PLXND1: variants seen among roughly 807,000 people sequenced by gnomAD.
The protein encoded by PLXND1 is plexin-D1.
In PLXND1, 54 loss-of-function variants were observed where a neutral mutation model predicts 197.7. The ratio of observed to expected loss-of-function variants is 0.27; its 90% CI spans 0.22 to 0.34. The LOEUF (loss-of-function observed/expected upper bound fraction) is 0.34, where lower values mean the gene tolerates loss of function less well. PLXND1 is among the 10% of genes least tolerant of loss of function. The pLI, the probability that PLXND1 is intolerant of heterozygous loss-of-function variation, is 1.00. For missense variants in PLXND1, 2,127 were observed against 2,699.2 expected (o/e 0.79, Z 4.70); for synonymous variants, 1,180 against 1,161.2 (o/e 1.02, Z -0.33).
intron 1 of PLXND1, among the ~76,000 whole-genome samples, chr3:129,594,158 T>C (rs2085586735): frequency 1.3e-5 from 2 of 152,216 alleles, no homozygotes; most frequent in Admixed American, 1.3e-4. Flanking sequence ...AGGTACAGAC[T>C]GCATGGCTAC....
chr3:129,559,898 A>C, intron 31 of PLXND1, 115 bp from the exon 32 acceptor site: 1 of 914,018 alleles, frequency 1.1e-6, no homozygotes, highest in Non-Finnish European at 1.6e-6. Flanking sequence ...AGGAAGCCAC[A>C]TGGCATCAGG....
rs1290794161 is a variant in PLXND1 at position 129,557,009 on chromosome 3, C to A, written c.5586+74G>T. 4.0e-6 allele frequency: 6 copies of A among 1,503,758 alleles called. No homozygotes were observed. The highest frequency in any genetic ancestry group is 2.3e-5 in the East Asian group (1 of 44,374). 93.2% of individuals were successfully genotyped at this position (1,503,758 alleles called of 1,614,324 possible). ...CTCCCTGCCCTTACTCCAGTGGAGG[C>A]ATTGAGGCCCAGCCCCCGACCCCCG... On this transcript the variant is annotated intron_variant, in intron 34 of 35. Coordinates refer to ENST00000324093, the MANE Select transcript of PLXND1 (RefSeq NM_015103.3). This position sits in a 1 kb window ranked among gnomAD's most constrained non-coding sequence, Gnocchi z 4.8.
chr3:129,596,723 C>T (rs2085630008), intron 1 of PLXND1, among the ~76,000 whole-genome samples: 1 of 152,224 alleles, frequency 6.6e-6, no homozygotes, highest in Admixed American at 6.5e-5. Context: ...TTCGATCTCA[C>T]ACCCTCCTCC....
rs1440516264 is a variant in PLXND1, at chr3:129,571,832, G to T, written c.3090C>A (p.Thr1030=). Residue 1030 remains threonine (T), a synonymous_variant, in exon 16 of 36, where the codon ACC becomes ACA. Transcript: ENST00000324093. ...CCTCAGGCATGGTGCAGGCGATGCT[G>T]GTATCTGTGCGCCTGGGGGGAGCAG... ...DPCTELMRTD[T]SIACTMPEGA... 3.1e-6 allele frequency: 5 copies of T among 1,612,090 alleles called. 1 individual carries two copies. In the South Asian group the frequency reaches 5.5e-5, roughly 18 times the overall value.
chr3:129,589,331 A>ACCCCCCCCCC lies in PLXND1; in HGVS notation c.1488+19_1488+20insGGGGGGGGGG. On this transcript the variant is annotated intron_variant, in intron 2 of 35. Coordinates refer to ENST00000324093, the MANE Select transcript of PLXND1 (RefSeq NM_015103.3). ...AGCCTCCCACCCCCACCCCCTCCCC[A>ACCCCCCCCCC]CATCCCCAACCATACCTACCTTGAG... 1 of 489,474 alleles carries ACCCCCCCCCC rather than the reference A, an allele frequency of 2.0e-6. No homozygotes were observed. Among genetic ancestry groups the ACCCCCCCCCC allele is most frequent in the Non-Finnish European group, 3.3e-6 (1 of 306,482 alleles). The allele number at this position is 489,474 out of a possible 1,614,324, so 30.3% of individuals were successfully genotyped here.
intron 11 of PLXND1, among the ~76,000 whole-genome samples, chr3:129,575,126 C>T (rs773336981): frequency 4.6e-5 from 7 of 152,166 alleles, no homozygotes; most frequent in Middle Eastern, 3.2e-3. Context: ...AGCAACTGCA[C>T]AGCTGCCACG....
chr3:129,566,064 C>T, intron 23 of PLXND1, 47 bp from the exon 24 acceptor site: 1 of 1,607,390 alleles, frequency 6.2e-7, no homozygotes, highest in Non-Finnish European at 8.5e-7. Flanking sequence ...CCCAGTGTCC[C>T]TGCCTAGCCT....
chr3:129,563,566 G>A (rs2085094103), intron 25 of PLXND1, among the ~76,000 whole-genome samples: 1 of 152,266 alleles, frequency 6.6e-6, no homozygotes, highest in Non-Finnish European at 1.5e-5. Flanking sequence ...GAAGCGGCAG[G>A]GCAGGAATCG....
At position 129,556,131 on chromosome 3, in the gene PLXND1, G is replaced by A. The variant is rs2084969358; in HGVS notation, c.*181C>T. On this transcript the variant is annotated 3_prime_UTR_variant, in exon 36 of 36. Coordinates refer to ENST00000324093, the MANE Select transcript of PLXND1 (RefSeq NM_015103.3). ...GGGACAGGTGGGAGGGGATGGAGGTGCCCAGGGGTCAAGGCGGGGGCGCCC... is the reference window on the plus strand; with the variant it reads ...GGGACAGGTGGGAGGGGATGGAGGTACCCAGGGGTCAAGGCGGGGGCGCCC... The A allele has an allele frequency of 6.7e-6, 4 of 594,802 alleles. No individual in the cohort carries two copies. Among genetic ancestry groups the A allele is most frequent in the East Asian group, 2.8e-5 (1 of 35,372 alleles). The allele number at this position is 594,802 out of a possible 1,614,324, so 36.8% of individuals were successfully genotyped here. A position where few individuals can be genotyped will look rare whatever the true frequency, so the allele number is the denominator to read the frequency against.
chr3:129,567,760 C>G lies in PLXND1; in HGVS notation c.3911G>C (p.Trp1304Ser). Residue 1304 changes from tryptophan (W) to serine (S), a missense_variant, in exon 21 of 36, where the codon TGG (tryptophan) becomes TCG (serine). Physicochemically the swap from Trp to Ser is radical, Grantham distance 177. Transcript: ENST00000324093. ...CTKSRRAERYWQKTLLQMEEM... is the reference protein window; with the variant it reads ...CTKSRRAERYSQKTLLQMEEM... ...CTCCATCTGCAGCAGCGTCTTCTGC[C>G]AGTAACGCTCAGCACGTCGGCTCTT... is the stretch of plus-strand genomic sequence containing the variant. 6.2e-7 allele frequency: 1 copy of G among 1,613,614 alleles called. No individual in the cohort carries two copies. Among genetic ancestry groups the G allele is most frequent in the South Asian group, 1.1e-5 (1 of 91,078 alleles).
rs779771770 is a variant in PLXND1 at position 129,573,543 on chromosome 3, C to A, written c.2837+51G>T. 9 of 1,550,206 alleles carry A rather than the reference C, an allele frequency of 5.8e-6. No individual in the cohort carries two copies. In the South Asian group the frequency reaches 9.3e-5, roughly 16 times the overall value. ...GGAGGGAGGAGTGAGGAGGACAGAG[C>A]AGAGGCTGGCACTGCTGGAGAAGGT... On this transcript the variant is annotated intron_variant, in intron 13 of 35. Transcript: ENST00000324093.
chr3:129,575,887 G>A lies in PLXND1; in HGVS notation c.2347-32C>T, dbSNP rs763933980. ...GAAACAGGGAGTGGGAGGCGGGTTT[G>A]AGGAGAACCAAGCCAGCATGCATTG... On this transcript the variant is annotated intron_variant, in intron 9 of 35. Coordinates refer to ENST00000324093, the MANE Select transcript of PLXND1 (RefSeq NM_015103.3). The A allele has an allele frequency of 2.9e-6, 4 of 1,361,944 alleles. No individual in the cohort carries two copies. The Admixed American group carries it at 6.8e-5, about 23-fold the overall frequency. 84.4% of individuals were successfully genotyped at this position (1,361,944 alleles called of 1,614,324 possible). A position where few individuals can be genotyped will look rare whatever the true frequency, so the allele number is the denominator to read the frequency against.
At chr3:129,556,542 G>T in intron 35 of PLXND1, 75 bp downstream of exon 35, 1 of 1,343,302 alleles carries the variant, frequency 7.4e-7, no homozygotes, top group Non-Finnish European at 1.1e-6. Flanking sequence ...TTAGGGGCAA[G>T]CACCCTGAGA....
chr3:129,566,827 A>G (rs920117970), intron 22 of PLXND1, among the ~76,000 whole-genome samples, 196 bp from the exon 23 acceptor site: 1 of 152,236 alleles, frequency 6.6e-6, no homozygotes, highest in Non-Finnish European at 1.5e-5. Context: ...CACACAAGAC[A>G]GCACAAGACT....
At position 129,555,921 on chromosome 3, in the gene PLXND1, G is replaced by T. The variant is rs1321206482; in HGVS notation, c.*391C>A. 2 of 294,786 alleles carry T rather than the reference G, an allele frequency of 6.8e-6. No homozygotes were observed. Among genetic ancestry groups the T allele is most frequent in the Non-Finnish European group, 1.3e-5 (2 of 157,616 alleles). The allele number at this position is 294,786 out of a possible 1,614,324, so 18.3% of individuals were successfully genotyped here. ...AGTGTGGATGAGGTAGAGTTTCTGGGCTGCAGCCTCCGGGCTGGCGGCCTC... is the reference window on the plus strand; with the variant it reads ...AGTGTGGATGAGGTAGAGTTTCTGGTCTGCAGCCTCCGGGCTGGCGGCCTC... On this transcript the variant is annotated 3_prime_UTR_variant, in exon 36 of 36. Transcript: ENST00000324093.
At chr3:129,567,447 G>T in intron 22 of PLXND1, 45 bp downstream of exon 22, 1 of 1,162,172 alleles carries the variant, frequency 8.6e-7, no homozygotes, top group Non-Finnish European at 1.3e-6. Flanking sequence ...GAGTTGCCTT[G>T]AGGTGGCTGG....
chr3:129,570,131 T>G (rs2085202782), intron 19 of PLXND1, among the ~76,000 whole-genome samples, 174 bp from the exon 20 acceptor site: 1 of 152,198 alleles, frequency 6.6e-6, no homozygotes, highest in Non-Finnish European at 1.5e-5. Context: ...GAAGGCTAAA[T>G]GAGGGCTTGT....
At chr3:129,598,110 T>C (rs982369703) in intron 1 of PLXND1, among the ~76,000 whole-genome samples, 4 of 152,102 alleles carry the variant, frequency 2.6e-5, no homozygotes, top group African/African-American at 9.7e-5. Context: ...AGCATCCAAG[T>C]CTTTAGCCTG....
At position 129,557,264 on chromosome 3, in the gene PLXND1, A is replaced by C. The variant is rs1408957150; in HGVS notation, c.5446-41T>G. 3 of 1,612,186 alleles carry C rather than the reference A, an allele frequency of 1.9e-6. No individual in the cohort carries two copies. The highest frequency in any genetic ancestry group is 2.5e-6 in the Non-Finnish European group (3 of 1,178,944). On this transcript the variant is annotated intron_variant, in intron 33 of 35. Coordinates refer to ENST00000324093, the MANE Select transcript of PLXND1 (RefSeq NM_015103.3). The surrounding 1 kb of genome is among the most constrained non-coding windows in gnomAD (Gnocchi z 4.8). ...CGAGGGTGTTAGATGGCTGCTGGAG[A>C]AAGGACGGATCTGGTCGTTTTCTGG... is the stretch of plus-strand genomic sequence containing the variant.
Sources: allele counts gnomAD v4.1 joint callset (sites outside exome capture counted in the v4.1 genomes callset), GRCh38; gene constraint gnomAD v4.1.1; non-coding constraint Gnocchi (gnomAD v3.1); transcripts MANE v1.5; gene names NCBI Gene and HGNC (gene_info 2026-07-23, HGNC 2026-07-21).